The following GSE1 variants were observed in gnomAD, a reference collection of about 807,000 sequenced individuals.
GSE1 encodes genetic suppressor element 1.
In GSE1, 32 loss-of-function variants were observed where a neutral mutation model predicts 112.6. That is an observed-to-expected ratio of 0.28 (90% CI 0.21 to 0.38). GSE1 has a LOEUF of 0.38. Ranked by LOEUF, GSE1 falls within the 10% of genes least tolerant of loss-of-function variation. The pLI, the probability that GSE1 is intolerant of heterozygous loss-of-function variation, is 1.00. For synonymous variants in GSE1, 1,115 were observed against 735.6 expected, an observed-to-expected ratio of 1.52 and a Z score of -8.35; for missense variants, 2,348 against 1,699.2, an observed-to-expected ratio of 1.38 and a Z score of -6.71.
intron 1 of GSE1, among the ~76,000 whole-genome samples, chr16:85,281,597 C>T (rs2044859827): frequency 6.6e-6 from 1 of 152,128 alleles, no homozygotes; most frequent in Admixed American, 6.5e-5. Context: ...TGTTATTTTC[C>T]TCTAAAAACG....
At chr16:85,605,185 C>A (rs1214602712) in intron 1 of GSE1, among the ~76,000 whole-genome samples, 5 of 151,876 alleles carry the variant, frequency 3.3e-5, no homozygotes, top group African/African-American at 1.2e-4. Context: ...ACCCGCTGTC[C>A]TGCTCCCCTT....
intron 1 of GSE1, among the ~76,000 whole-genome samples, chr16:85,239,462 T>C (rs886162730): frequency 6.6e-6 from 1 of 152,210 alleles, no homozygotes; most frequent in Admixed American, 6.5e-5. Flanking sequence ...TCAAGAGCTC[T>C]GAGAAGGGAC....
intron 1 of GSE1, among the ~76,000 whole-genome samples, chr16:85,584,898 C>G (rs1035894052): frequency 6.6e-6 from 1 of 152,104 alleles, no homozygotes; most frequent in Non-Finnish European, 1.5e-5. Flanking sequence ...CTCCTTCCCC[C>G]ACCCCTCCAG....
intron 1 of GSE1, among the ~76,000 whole-genome samples, chr16:85,583,911 A>G (rs747998980): frequency 8.5e-5 from 13 of 152,194 alleles, no homozygotes; most frequent in Non-Finnish European, 1.8e-4. Context: ...TTATGTAAAG[A>G]CAGTGATGGT....
chr16:85,595,500 G>C (rs1456955575), intron 1 of GSE1: 1 of 152,222 alleles, frequency 6.6e-6, no homozygotes, highest in East Asian at 1.9e-4. Context: ...TCATGGTCTT[G>C]TTGATCAGGA....
At position 85,328,471 on chromosome 16, in the gene GSE1, C is replaced by G. The variant is rs748673863; in HGVS notation, c.2284-28992C>G. Among the ~76,000 whole-genome samples, 154 of 152,254 alleles carry G rather than the reference C, an allele frequency of 1.0e-3. 1 individual carries two copies. Among genetic ancestry groups the G allele is most frequent in the Non-Finnish European group, 1.7e-3 (114 of 68,038 alleles). ...AAGCCTGCGGAGGCCTTCCCCCGCC[C>G]GCCTAGACACTCCAGGCTCCTTTCA... On this transcript the variant is annotated intron_variant, in intron 1 of 2. Coordinates refer to the GSE1 transcript ENST00000637419.
At chr16:85,518,470 A>T (rs1233294548) in intron 2 of GSE1, among the ~76,000 whole-genome samples, 1 of 151,944 alleles carries the variant, frequency 6.6e-6, no homozygotes, top group African/African-American at 2.4e-5. Context: ...CGCAGAAGTA[A>T]CTTGGCCAAG....
chr16:85,403,793 C>A (rs2048175890), intron 2 of GSE1, among the ~76,000 whole-genome samples: 3 of 152,084 alleles, frequency 2.0e-5, no homozygotes, highest in Non-Finnish European at 2.9e-5. Context: ...CAGAGTGAGA[C>A]CCTGTCTCAA....
At chr16:85,593,685 C>T (rs934401797) in intron 1 of GSE1, 13 of 150,072 alleles carry the variant, frequency 8.7e-5, no homozygotes, top group Admixed American at 4.0e-4. Flanking sequence ...CAATTTTATT[C>T]GCTGGGCTCC....
intron 2 of GSE1, among the ~76,000 whole-genome samples, chr16:85,475,655 G>C (rs921369171): frequency 2.0e-5 from 3 of 152,204 alleles, no homozygotes; most frequent in African/African-American, 7.2e-5. Context: ...TCTGTCCAGG[G>C]GTCGAGGCCT....
chr16:85,251,197 T>C (rs1359989567), intron 1 of GSE1, among the ~76,000 whole-genome samples: 1 of 152,194 alleles, frequency 6.6e-6, no homozygotes, highest in African/African-American at 2.4e-5. Flanking sequence ...CACCTCCGTG[T>C]GTGAGTGCTC....
intron 1 of GSE1, among the ~76,000 whole-genome samples, chr16:85,596,158 G>A (rs1463619371): frequency 1.3e-5 from 2 of 151,922 alleles, no homozygotes; most frequent in Non-Finnish European, 2.9e-5. Context: ...TGGCAGAGAC[G>A]TGGCTGCCTC....
chr16:85,664,850 G>C lies in GSE1; in HGVS notation c.2645-165G>C, dbSNP rs764019570. On this transcript the variant is annotated intron_variant, in intron 11 of 15. Coordinates refer to ENST00000253458, the MANE Select transcript of GSE1 (RefSeq NM_014615.5). ...GCCGAGAGCAATCTGGGCTCGCTTT[G>C]AGATGGTTGCTTCCTTTCAACTGGG... The C allele has an allele frequency of 6.6e-6, 4 of 604,836 alleles. No homozygotes were observed. The Admixed American group carries it at 1.1e-4, about 16-fold the overall frequency. The allele number at this position is 604,836 out of a possible 1,614,324, so 37.5% of individuals were successfully genotyped here. A position where few individuals can be genotyped will look rare whatever the true frequency, so the allele number is the denominator to read the frequency against.
At chr16:85,665,294 A>G (rs528493245) in intron 12 of GSE1, among the ~76,000 whole-genome samples, 166 bp downstream of exon 12, 1 of 152,290 alleles carries the variant, frequency 6.6e-6, no homozygotes, top group African/African-American at 2.4e-5. Flanking sequence ...TGTGACAGTC[A>G]TTGGGACGGA....
chr16:85,590,370 AGT>A (rs770455531), intron 1 of GSE1, among the ~76,000 whole-genome samples: 12 of 135,816 alleles, frequency 8.8e-5, no homozygotes, highest in South Asian at 4.7e-4. Flanking sequence ...AATGAGTGTG[AGT>A]GTGTGAGATT....
chr16:85,562,286 G>C (rs2045556927), intron 1 of GSE1, among the ~76,000 whole-genome samples: 1 of 152,210 alleles, frequency 6.6e-6, no homozygotes, highest in Admixed American at 6.5e-5. Context: ...CCATCTGTCG[G>C]CTGGGAAAGC....
chr16:85,227,487 T>G (rs747718297), intron 1 of GSE1, among the ~76,000 whole-genome samples: 13 of 152,122 alleles, frequency 8.5e-5, no homozygotes, highest in Non-Finnish European at 1.3e-4. Context: ...GGGTGAGAGA[T>G]AAAGGGCGAT....
chr16:85,373,806 G>C lies in GSE1; in HGVS notation c.2464+16163G>C, dbSNP rs2047352989. On this transcript the variant is annotated intron_variant, in intron 2 of 2. Transcript: ENST00000637419. The surrounding 1 kb of genome is among the most constrained non-coding windows in gnomAD (Gnocchi z 5.1). The stretch of plus-strand genomic sequence containing the variant: ...GGATCCCCGAGGCAGCCCAGGGCAG[G>C]GTGATTGTGCTCCTGCCCCACGGTG... 6.6e-6 allele frequency among the ~76,000 whole-genome samples: 1 copy of C among 152,172 alleles called. No homozygotes were observed. The highest frequency in any genetic ancestry group is 1.5e-5 in the Non-Finnish European group (1 of 68,020).
At chr16:85,485,078 A>G (rs1238170425) in intron 2 of GSE1, among the ~76,000 whole-genome samples, 5 of 152,222 alleles carry the variant, frequency 3.3e-5, no homozygotes, top group Non-Finnish European at 7.4e-5. Context: ...ATGGTGCGGT[A>G]GGGCCACTTC....
Sources: allele counts gnomAD v4.1 joint callset (sites outside exome capture counted in the v4.1 genomes callset), GRCh38; gene constraint gnomAD v4.1.1; non-coding constraint Gnocchi (gnomAD v3.1); transcripts MANE v1.5; gene names NCBI Gene and HGNC (gene_info 2026-07-23, HGNC 2026-07-21).